The following STAG1 variants were observed in gnomAD, a reference collection of about 807,000 sequenced individuals.
STAG1 encodes the protein STAG1 cohesin complex component.
In STAG1, 26 loss-of-function variants were observed where a neutral mutation model predicts 170.9. The observed-to-expected ratio is 0.15, with a 90% CI of 0.11 to 0.21. The LOEUF is 0.21. Ranked by LOEUF, STAG1 falls within the 10% of genes least tolerant of loss-of-function variation. The pLI is 1.00. For synonymous variants in STAG1, 514 were observed against 497.7 expected (o/e 1.03, Z -0.44); for missense variants, 964 against 1,509.5 (o/e 0.64, Z 5.99).
intron 7 of STAG1, among the ~76,000 whole-genome samples, chr3:136,517,789 T>A (rs1323628369): frequency 6.6e-6 from 1 of 151,938 alleles, no homozygotes; most frequent in East Asian, 1.9e-4. Context: ...CTATTTCAAA[T>A]AAAAATAAGG....
intron 21 of STAG1, among the ~76,000 whole-genome samples, chr3:136,414,753 TA>T (rs2087725641): frequency 6.6e-6 from 1 of 152,224 alleles, no homozygotes; most frequent in South Asian, 2.1e-4. Flanking sequence ...TGTTTTTTCT[TA>T]AATAATTAAG....
rs2107808095 is a variant in STAG1, at chr3:136,604,166, A to G, written c.297+143T>C. ...CCTGACACTCTTTGCAAAACAAAGC[A>G]AAATAATAACCTTTCAGGATAAACT... On this transcript the variant is annotated intron_variant, in intron 4 of 33. Transcript: ENST00000383202. The G allele has an allele frequency of 5.7e-6, 4 of 696,476 alleles. No homozygotes were observed. In the South Asian group the frequency reaches 1.2e-4, roughly 21 times the overall value. 43.1% of individuals were successfully genotyped at this position (696,476 alleles called of 1,614,324 possible). A position where few individuals can be genotyped will look rare whatever the true frequency, so the allele number is the denominator to read the frequency against.
chr3:136,700,876 C>CT (rs35459362), intron 1 of STAG1, among the ~76,000 whole-genome samples: 7,335 of 78,468 alleles, frequency 0.093, 524 homozygotes, highest in East Asian at 0.14. Context: ...TATTTTTTTT[C>CT]TTTTTTTTTT....
intron 1 of STAG1, among the ~76,000 whole-genome samples, chr3:136,638,943 C>G (rs148599882): frequency 2.1e-4 from 32 of 152,026 alleles, no homozygotes; most frequent in African/African-American, 6.8e-4. Context: ...GATTGGATTG[C>G]TCTAAATTTA....
intron 1 of STAG1, among the ~76,000 whole-genome samples, chr3:136,701,403 C>T (rs1374416129): frequency 2.0e-5 from 3 of 151,672 alleles, no homozygotes; most frequent in Non-Finnish European, 4.4e-5. Context: ...TTCCCATCCT[C>T]GTGTGTGTGT....
intron 3 of STAG1, among the ~76,000 whole-genome samples, chr3:136,613,413 T>A (rs1352706822): frequency 9.2e-5 from 14 of 151,942 alleles, no homozygotes; most frequent in Admixed American, 2.6e-4. Context: ...GCCATTCTAA[T>A]AGGCATGTAG....
At chr3:136,500,383 T>C in intron 8 of STAG1, 87 bp from the exon 9 acceptor site, 1 of 914,050 alleles carries the variant, frequency 1.1e-6, no homozygotes, top group Non-Finnish European at 1.7e-6. Context: ...CCTGGTTATT[T>C]TCATTCTGGG....
chr3:136,703,380 T>C (rs1305580531), intron 1 of STAG1, among the ~76,000 whole-genome samples: 1 of 152,184 alleles, frequency 6.6e-6, no homozygotes, highest in Admixed American at 6.5e-5. Flanking sequence ...AGCTTGCTGA[T>C]GTCAGGGTGG....
chr3:136,486,999 CAAAAAAAAAAAAAA>C (rs536392595), intron 9 of STAG1, among the ~76,000 whole-genome samples: 21 of 54,662 alleles, frequency 3.8e-4, no homozygotes, highest in Admixed American at 5.5e-4. Context: ...TTTATTTCTT[CAAAAAAAAAAAAAA>C]AAAAAAAAAA....
intron 1 of STAG1, among the ~76,000 whole-genome samples, chr3:136,647,085 T>G (rs1941051705): frequency 6.6e-6 from 1 of 152,180 alleles, no homozygotes; most frequent in Admixed American, 6.5e-5. Context: ...TAGGTACAAT[T>G]GTGTCAATTT....
chr3:136,340,207 T>G (rs1489232371), intron 32 of STAG1, among the ~76,000 whole-genome samples: 1 of 152,144 alleles, frequency 6.6e-6, no homozygotes, highest in Non-Finnish European at 1.5e-5. Context: ...CAGGCTAGAT[T>G]GCAATGGCAC....
intron 1 of STAG1, among the ~76,000 whole-genome samples, chr3:136,644,081 C>A (rs1393518996): frequency 6.6e-6 from 1 of 152,086 alleles, no homozygotes; most frequent in South Asian, 2.1e-4. Context: ...ACACAGTAAA[C>A]CACACCAATA....
intron 21 of STAG1, among the ~76,000 whole-genome samples, chr3:136,415,340 A>G (rs1389726016): frequency 1.3e-5 from 2 of 152,158 alleles, no homozygotes; most frequent in Non-Finnish European, 2.9e-5. Context: ...CAAACAAAAA[A>G]GTCAAACATA....
chr3:136,714,935 T>TA lies in STAG1; in HGVS notation c.-84+37259_-84+37260insT, dbSNP rs1167683540. On this transcript the variant is annotated intron_variant, in intron 1 of 33. Coordinates refer to ENST00000383202, the MANE Select transcript of STAG1 (RefSeq NM_005862.3). ...AAAAAAAAAAAAACAAATATATATA[T>TA]TAAATATATATATATATATATATAT... is the stretch of plus-strand genomic sequence containing the variant. Among the ~76,000 whole-genome samples the TA allele has an allele frequency of 6.7e-4, 38 of 56,560 alleles. 1 individual carries two copies. Among genetic ancestry groups the TA allele is most frequent in the African/African-American group, 3.4e-3 (37 of 10,990 alleles). 37.1% of individuals were successfully genotyped at this position (56,560 alleles called of 152,430 possible).
chr3:136,443,188 G>T, intron 15 of STAG1, 99 bp downstream of exon 15: 1 of 709,486 alleles, frequency 1.4e-6, no homozygotes, highest in Non-Finnish European at 2.3e-6. Context: ...GACACAACAT[G>T]CTTATATATG....
chr3:136,566,549 C>T (rs1318751373), intron 5 of STAG1, among the ~76,000 whole-genome samples: 1 of 152,166 alleles, frequency 6.6e-6, no homozygotes, highest in Non-Finnish European at 1.5e-5. Context: ...ATTACGTGAA[C>T]TTCAAAGCAC....
chr3:136,604,341 C>T lies in STAG1; in HGVS notation c.265G>A (p.Glu89Lys). 6.2e-7 allele frequency: 1 copy of T among 1,612,240 alleles called. No homozygotes were observed. The highest frequency in any genetic ancestry group is 1.1e-5 in the South Asian group (1 of 90,482). Reference protein sequence around the residue: ...NGEGEPVTLFEVVKLGKSAMQ... With the variant: ...NGEGEPVTLFKVVKLGKSAMQ... Reference sequence around the variant, plus strand: ...GCACTTTTCCCCAGTTTCACCACCTCAAATAATGTGACAGGCTCCCCTTCC... The same window carrying T: ...GCACTTTTCCCCAGTTTCACCACCTTAAATAATGTGACAGGCTCCCCTTCC... The change falls in exon 4 of 34, where the codon GAG becomes AAG. Residue 89 changes from glutamate to lysine, a missense_variant. Glu to Lys is a moderately conservative substitution (Grantham distance 56). Coordinates refer to ENST00000383202, the MANE Select transcript of STAG1 (RefSeq NM_005862.3).
intron 1 of STAG1, among the ~76,000 whole-genome samples, chr3:136,656,985 C>T (rs544202320): frequency 6.6e-4 from 100 of 151,360 alleles, no homozygotes; most frequent in Admixed American, 1.7e-3. Flanking sequence ...AATGTATTAT[C>T]CACTCTGAAC....
chr3:136,733,082 A>G (rs1934134917), intron 1 of STAG1, among the ~76,000 whole-genome samples: 1 of 148,112 alleles, frequency 6.8e-6, no homozygotes. Flanking sequence ...GTTAAAACCT[A>G]ACTTTTTTTT....
Sources: gnomAD v4.1 joint callset for allele counts (sites outside exome capture counted in the v4.1 genomes callset) on GRCh38, gnomAD v4.1.1 for gene constraint, MANE v1.5 for transcripts, NCBI Gene and HGNC (gene_info 2026-07-23, HGNC 2026-07-21) for gene names.